SORCS2: variants seen among roughly 807,000 people sequenced by gnomAD.
The protein encoded by SORCS2 is sortilin related VPS10 domain containing receptor 2, also known as VPS10 domain-containing receptor SorCS2.
SORCS2 carries 100 observed loss-of-function variants against 141.6 expected under a neutral mutation model. The ratio of observed to expected loss-of-function variants is 0.71; its 90% confidence interval spans 0.60 to 0.83. The LOEUF (loss-of-function observed/expected upper bound fraction) is 0.83, where lower values mean the gene tolerates loss of function less well. SORCS2 is among the 40% of genes least tolerant of loss of function. The pLI is 0.00. For synonymous variants in SORCS2, 789 were observed against 676.9 expected (o/e 1.17, Z -2.57); for missense variants, 1,646 against 1,560.2 (o/e 1.05, Z -0.93).
intron 2 of SORCS2, chr4:7,459,967 A>G (rs1236766422): frequency 1.3e-5 from 2 of 154,618 alleles, no homozygotes; most frequent in African/African-American, 4.8e-5. Context: ...CACGTCCTTC[A>G]TGTCATCCAG....
rs1029182536 is a variant in SORCS2 at position 7,286,809 on chromosome 4, C to A, written c.480+93683C>A. Reference sequence around the variant, plus strand: ...ACTGGGAGGCGTCTTGGGTCCCAGACCGTGGAACCTGGGTGCTGCTTTTCA... The same window carrying A: ...ACTGGGAGGCGTCTTGGGTCCCAGAACGTGGAACCTGGGTGCTGCTTTTCA... On this transcript the variant is annotated intron_variant, in intron 1 of 26. Transcript: ENST00000507866. The surrounding 1 kb of genome is among the most constrained non-coding windows in gnomAD (Gnocchi z 4.1). Among the ~76,000 whole-genome samples, 1 of 152,182 alleles carries A rather than the reference C, an allele frequency of 6.6e-6. No homozygotes were observed. Among genetic ancestry groups the A allele is most frequent in the Non-Finnish European group, 1.5e-5 (1 of 68,048 alleles).
intron 25 of SORCS2, 47 bp downstream of exon 25, chr4:7,734,421 C>G (rs761256609): frequency 4.3e-5 from 57 of 1,335,950 alleles, no homozygotes; most frequent in Non-Finnish European, 5.2e-5. Context: ...ACCATGGGGC[C>G]GTAGGAAGCC....
intron 1 of SORCS2, among the ~76,000 whole-genome samples, chr4:7,222,340 A>C (rs940834084): frequency 2.0e-5 from 3 of 152,192 alleles, no homozygotes. Context: ...CTGATACGTG[A>C]TGAACCTTGA....
intron 1 of SORCS2, among the ~76,000 whole-genome samples, chr4:7,199,989 C>T (rs1727398219): frequency 6.6e-6 from 1 of 151,798 alleles, no homozygotes; most frequent in Admixed American, 6.6e-5. Context: ...GCTGGAAGTC[C>T]ACCCCTCTGG....
intron 1 of SORCS2, among the ~76,000 whole-genome samples, chr4:7,350,901 C>A (rs1277801958): frequency 6.6e-6 from 1 of 152,130 alleles, no homozygotes; most frequent in Non-Finnish European, 1.5e-5. Flanking sequence ...GGACAGGGGC[C>A]CACCCAACTT....
At chr4:7,208,506 C>G (rs1160646856) in intron 1 of SORCS2, among the ~76,000 whole-genome samples, 1 of 152,182 alleles carries the variant, frequency 6.6e-6, no homozygotes, top group Non-Finnish European at 1.5e-5. Flanking sequence ...GCACACTGGA[C>G]AGACTAGTGA....
chr4:7,344,515 G>A (rs1288143031), intron 1 of SORCS2, among the ~76,000 whole-genome samples: 1 of 152,234 alleles, frequency 6.6e-6, no homozygotes, highest in Non-Finnish European at 1.5e-5. Flanking sequence ...GCCCTAGTGA[G>A]ACCCACTGGA....
chr4:7,418,709 C>CCA (rs1553859465), intron 2 of SORCS2, among the ~76,000 whole-genome samples: 1 of 117,188 alleles, frequency 8.5e-6, no homozygotes, highest in East Asian at 2.4e-4. Context: ...ATGACCCCCC[C>CCA]CCCCACCAGA....
chr4:7,300,072 G>A (rs920366169), intron 1 of SORCS2, among the ~76,000 whole-genome samples: 2 of 152,192 alleles, frequency 1.3e-5, no homozygotes, highest in African/African-American at 4.8e-5. Flanking sequence ...AGAGAGGATG[G>A]CGCGCCCTCC....
At chr4:7,658,552 C>T (rs1341508586) in intron 5 of SORCS2, among the ~76,000 whole-genome samples, 1 of 152,232 alleles carries the variant, frequency 6.6e-6, no homozygotes, top group East Asian at 1.9e-4. Context: ...AATCAACACT[C>T]CACCTTGAAA....
intron 1 of SORCS2, among the ~76,000 whole-genome samples, chr4:7,270,528 T>A (rs1486463034): frequency 6.6e-6 from 1 of 152,170 alleles, no homozygotes; most frequent in East Asian, 1.9e-4. Flanking sequence ...CAGCTACGGG[T>A]CCTCACACCA....
At chr4:7,510,990 C>T (rs1732608267) in intron 2 of SORCS2, among the ~76,000 whole-genome samples, 3 of 152,200 alleles carry the variant, frequency 2.0e-5, no homozygotes, top group East Asian at 1.9e-4. Flanking sequence ...CCCCTGCTTT[C>T]CCTGTGGTGG....
intron 3 of SORCS2, among the ~76,000 whole-genome samples, chr4:7,553,460 A>T (rs1447956664): frequency 1.3e-5 from 2 of 152,248 alleles, no homozygotes; most frequent in Non-Finnish European, 2.9e-5. Context: ...AAAAAGTCTG[A>T]TCTCAGAATT....
chr4:7,631,047 CTTT>C (rs11356756), intron 3 of SORCS2, among the ~76,000 whole-genome samples: 39,670 of 131,210 alleles, frequency 0.3, 6,713 homozygotes, highest in East Asian at 0.74. Context: ...TTTTCCTTTT[CTTT>C]TTTTTTTTTT....
intron 1 of SORCS2, among the ~76,000 whole-genome samples, chr4:7,239,858 A>G (rs1212504236): frequency 2.0e-5 from 3 of 152,254 alleles, no homozygotes; most frequent in Non-Finnish European, 2.9e-5. Context: ...ATGAGGGTGA[A>G]CAGCCCAGAG....
intron 2 of SORCS2, among the ~76,000 whole-genome samples, chr4:7,501,014 C>T (rs995148028): frequency 6.6e-6 from 1 of 152,230 alleles, no homozygotes. Context: ...CCCTCTGAGC[C>T]GCTACAGCTG....
chr4:7,629,736 C>T (rs553854074), intron 3 of SORCS2, among the ~76,000 whole-genome samples: 12 of 151,996 alleles, frequency 7.9e-5, no homozygotes, highest in African/African-American at 1.5e-4. Flanking sequence ...ATTTCCTCTC[C>T]GAGCCCAGCC....
chr4:7,592,825 T>C (rs899975263), intron 3 of SORCS2, among the ~76,000 whole-genome samples: 3 of 152,136 alleles, frequency 2.0e-5, no homozygotes, highest in African/African-American at 7.2e-5. Context: ...TGTTGAATGA[T>C]TGAATGAATG....
At chr4:7,394,243 C>G (rs945098875) in intron 1 of SORCS2, among the ~76,000 whole-genome samples, 1 of 152,122 alleles carries the variant, frequency 6.6e-6, no homozygotes, top group African/African-American at 2.4e-5. Context: ...GGTAAAGTCA[C>G]CTGTATTTCT....
Sources: gnomAD v4.1 joint callset for allele counts (sites outside exome capture counted in the v4.1 genomes callset) on GRCh38, gnomAD v4.1.1 for gene constraint, Gnocchi (gnomAD v3.1) non-coding constraint, MANE v1.5 for transcripts, NCBI Gene and HGNC (gene_info 2026-07-23, HGNC 2026-07-21) for gene names.